The following DNAH3 variants were observed in gnomAD, a reference collection of about 807,000 sequenced individuals.
DNAH3 encodes the protein dynein axonemal heavy chain 3, also known as axonemal beta dynein heavy chain 3.
Under a neutral mutation model 432.5 loss-of-function variants are expected in DNAH3, and 332 were observed. The observed-to-expected ratio is 0.77, with a 90% confidence interval of 0.70 to 0.84. DNAH3 has a LOEUF of 0.84. DNAH3 is among the 40% of genes least tolerant of loss of function. The pLI, the probability that DNAH3 is intolerant of heterozygous loss-of-function variation, is 0.00. For synonymous variants in DNAH3, 1,956 were observed against 1,900.2 expected (o/e 1.03, Z -0.76); for missense variants, 4,861 against 5,114.0 (o/e 0.95, Z 1.51).
chr16:20,980,226 T>A (rs1337563543), intron 49 of DNAH3, among the ~76,000 whole-genome samples: 6 of 105,090 alleles, frequency 5.7e-5, no homozygotes, highest in South Asian at 7.6e-4. Context: ...TTTATATTAT[T>A]TATTTATATT....
At chr16:21,095,599 T>C (rs998852900) in intron 18 of DNAH3, among the ~76,000 whole-genome samples, 5 of 152,166 alleles carry the variant, frequency 3.3e-5, no homozygotes, top group African/African-American at 9.7e-5. Context: ...GTTGATGAAA[T>C]TGCTGTTTTC....
intron 34 of DNAH3, among the ~76,000 whole-genome samples, chr16:21,037,541 T>C (rs964680715): frequency 6.6e-6 from 1 of 152,052 alleles, no homozygotes; most frequent in Non-Finnish European, 1.5e-5. Flanking sequence ...CAAGAGCAAA[T>C]ATTATCCTAT....
intron 41 of DNAH3, among the ~76,000 whole-genome samples, chr16:21,014,133 A>G (rs937287245): frequency 2.0e-5 from 3 of 152,250 alleles, no homozygotes; most frequent in African/African-American, 7.2e-5. Flanking sequence ...ACATTATAAG[A>G]GAGGAAAATT....
chr16:21,135,119 A>G (rs1289408894), intron 6 of DNAH3, among the ~76,000 whole-genome samples: 1 of 152,186 alleles, frequency 6.6e-6, no homozygotes, highest in Non-Finnish European at 1.5e-5. Flanking sequence ...TTTTACAGAA[A>G]GGAGGAGTGT....
chr16:21,054,709 C>A (rs1057367145), intron 27 of DNAH3, among the ~76,000 whole-genome samples, 175 bp from the exon 28 acceptor site: 1 of 152,148 alleles, frequency 6.6e-6, no homozygotes, highest in Non-Finnish European at 1.5e-5. Flanking sequence ...ATTCCTAATG[C>A]ATTATGCTGA....
At chr16:21,095,120 C>G (rs1222357252) in intron 18 of DNAH3, among the ~76,000 whole-genome samples, 1 of 152,166 alleles carries the variant, frequency 6.6e-6, no homozygotes, top group Non-Finnish European at 1.5e-5. Flanking sequence ...GTGAGGGATG[C>G]ACAACGGCAC....
chr16:21,002,444 G>GTTATTA (rs67362610), intron 42 of DNAH3, among the ~76,000 whole-genome samples: 33,503 of 146,664 alleles, frequency 0.23, 4,205 homozygotes, highest in Middle Eastern at 0.29. Flanking sequence ...ATCTGGTGTT[G>GTTATTA]TTATTATTAT....
chr16:21,122,217 AC>A, intron 9 of DNAH3, 93 bp from the exon 11 acceptor site: 2 of 1,086,184 alleles, frequency 1.8e-6, no homozygotes, highest in Non-Finnish European at 2.7e-6. Context: ...CTACATGAGG[AC>A]CAGAAAAGGC....
At chr16:20,941,261 T>C in intron 59 of DNAH3, 140 bp downstream of exon 59, 1 of 928,246 alleles carries the variant, frequency 1.1e-6, no homozygotes, top group East Asian at 2.4e-5. Flanking sequence ...GATGGTCCTA[T>C]TCACAGCCCC....
At chr16:20,993,180 A>G (rs2086628824) in intron 44 of DNAH3, among the ~76,000 whole-genome samples, 1 of 152,108 alleles carries the variant, frequency 6.6e-6, no homozygotes, top group South Asian at 2.1e-4. Context: ...CTTCCTATGT[A>G]TTACATCTTG....
intron 48 of DNAH3, among the ~76,000 whole-genome samples, chr16:20,984,110 G>A (rs2086061771): frequency 6.6e-6 from 1 of 151,838 alleles, no homozygotes; most frequent in African/African-American, 2.4e-5. Context: ...TCTGGCAGGT[G>A]GCCTTATGGC....
At chr16:21,018,697 C>T (rs2087986501) in intron 41 of DNAH3, among the ~76,000 whole-genome samples, 1 of 152,018 alleles carries the variant, frequency 6.6e-6, no homozygotes, top group Non-Finnish European at 1.5e-5. Flanking sequence ...GAGTTCAAGA[C>T]CAGCCTAGCC....
exon 28 of DNAH3, chr16:21,054,503 G>A (rs376419884): frequency 2.3e-5 from 37 of 1,613,964 alleles, no homozygotes; most frequent in Admixed American, 3.3e-5. Context: ...GACAATCTGC[G>A]CAATCTGATC....
chr16:20,954,874 C>T (rs748671838), exon 55 of DNAH3: 1 of 1,614,052 alleles, frequency 6.2e-7, no homozygotes, highest in Non-Finnish European at 8.5e-7. Flanking sequence ...GGCCAAATAA[C>T]ATCTTTTGCC....
intron 39 of DNAH3, among the ~76,000 whole-genome samples, chr16:21,024,185 G>A (rs2088413370): frequency 6.6e-6 from 1 of 152,154 alleles, no homozygotes; most frequent in African/African-American, 2.4e-5. Context: ...GGGAGGTGCA[G>A]AGTCCAGGTT....
At chr16:21,087,029 A>G (rs1244681063) in exon 19 of DNAH3, 1 of 1,614,080 alleles carries the variant, frequency 6.2e-7, no homozygotes, top group Non-Finnish European at 8.5e-7. Flanking sequence ...TCTCCTCCGC[A>G]ATTTGCTCAG....
chr16:21,125,290 G>A, exon 9 of DNAH3: 2 of 1,613,756 alleles, frequency 1.2e-6, no homozygotes, highest in Non-Finnish European at 1.7e-6. Flanking sequence ...GTTTCGACTT[G>A]AGTCATAGTT....
At chr16:21,071,965 G>A (rs1035638195) in intron 21 of DNAH3, among the ~76,000 whole-genome samples, 3 of 152,070 alleles carry the variant, frequency 2.0e-5, no homozygotes, top group Non-Finnish European at 2.9e-5. Context: ...GTGCCCCGGG[G>A]CACCGCAGCC....
intron 20 of DNAH3, among the ~76,000 whole-genome samples, chr16:21,078,275 C>CAAAAA (rs1202846920): frequency 7.2e-5 from 6 of 83,832 alleles, no homozygotes; most frequent in African/African-American, 2.2e-4. Context: ...AATTCCGTCT[C>CAAAAA]AAAAAAAAAA....
Sources: gnomAD v4.1 joint callset for allele counts (sites outside exome capture counted in the v4.1 genomes callset) on GRCh38, gnomAD v4.1.1 for gene constraint, MANE v1.5 for transcripts, NCBI Gene and HGNC (gene_info 2026-07-23, HGNC 2026-07-21) for gene names.